LRRC37A2: variants seen among roughly 807,000 people sequenced by gnomAD.
LRRC37A2 encodes the protein leucine rich repeat containing 37 member A2.
LRRC37A2 carries 9 observed loss-of-function variants against 68.8 expected under a neutral mutation model. The ratio of observed to expected loss-of-function variants is 0.13; its 90% CI spans 0.08 to 0.23. The LOEUF is 0.23. Among genes scored for constraint, LRRC37A2 ranks in the 10% least tolerant of loss-of-function variants. The pLI, the probability that LRRC37A2 is intolerant of heterozygous loss-of-function variation, is 1.00. For synonymous variants in LRRC37A2, 63 were observed against 367.6 expected, an observed-to-expected ratio of 0.17 and a Z score of 9.48; for missense variants, 168 against 950.4, an observed-to-expected ratio of 0.18 and a Z score of 10.82.
chr17:46,384,294 A>AG, the LRRC37A2 span, among the ~76,000 whole-genome samples: 27 of 64,334 alleles, frequency 4.2e-4, 6 homozygotes, highest in African/African-American at 1.1e-3. Context: ...AAAAAAAAAA[A>AG]AAAGACACTT....
chr17:46,894,913 G>A, the LRRC37A2 span, among the ~76,000 whole-genome samples: 34 of 152,334 alleles, frequency 2.2e-4, no homozygotes, highest in Middle Eastern at 3.4e-3. Flanking sequence ...CATGCAAGCC[G>A]GAATGCACGG....
At chr17:46,922,595 G>A in the LRRC37A2 span, among the ~76,000 whole-genome samples, 1 of 152,068 alleles carries the variant, frequency 6.6e-6, no homozygotes, top group African/African-American at 2.4e-5. Context: ...CTCTTTGAGG[G>A]CAGGAGGAAC....
At chr17:46,921,419 T>C in the LRRC37A2 span, among the ~76,000 whole-genome samples, 1 of 152,336 alleles carries the variant, frequency 6.6e-6, no homozygotes, top group East Asian at 1.9e-4. Context: ...GACATAGGCA[T>C]GGGCAAGGAC....
chr17:46,405,737 C>CAAA, the LRRC37A2 span, among the ~76,000 whole-genome samples: 47 of 35,058 alleles, frequency 1.3e-3, no homozygotes, highest in East Asian at 2.8e-3. Context: ...GACTCCATCT[C>CAAA]AAAAAAAAAA....
intron 6 of LRRC37A2, among the ~76,000 whole-genome samples, chr17:46,525,639 A>G (rs1303916413): frequency 8.1e-6 from 1 of 122,734 alleles, no homozygotes; most frequent in African/African-American, 2.8e-5. Flanking sequence ...CATCATCATC[A>G]TCATCATCTA....
At chr17:46,939,387 A>G in the LRRC37A2 span, 1 of 998,126 alleles carries the variant, frequency 1.0e-6, no homozygotes, top group Non-Finnish European at 1.2e-6. Context: ...TTTCCACACT[A>G]CAGCTGGGTG....
chr17:46,782,066 G>A, the LRRC37A2 span, among the ~76,000 whole-genome samples: 3 of 152,192 alleles, frequency 2.0e-5, no homozygotes, highest in Admixed American at 1.3e-4. Context: ...TGGACCCAGG[G>A]GCTGCGGCCC....
At chr17:46,881,937 A>C in the LRRC37A2 span, among the ~76,000 whole-genome samples, 1 of 152,160 alleles carries the variant, frequency 6.6e-6, no homozygotes, top group Non-Finnish European at 1.5e-5. Flanking sequence ...CATTGACAAA[A>C]ATTATCTACT....
At chr17:46,768,733 T>A in the LRRC37A2 span, 1 of 1,614,088 alleles carries the variant, frequency 6.2e-7, no homozygotes, top group Admixed American at 1.7e-5. This position sits in a 1 kb window ranked among gnomAD's most constrained non-coding sequence, Gnocchi z 5.0. Flanking sequence ...CACCAGCAGG[T>A]CTTCACCTCA....
the LRRC37A2 span, among the ~76,000 whole-genome samples, chr17:46,860,620 A>G: frequency 2.6e-5 from 4 of 152,328 alleles, no homozygotes; most frequent in African/African-American, 4.8e-5. Context: ...TTCAAATGCT[A>G]TCTCTATATA....
the LRRC37A2 span, among the ~76,000 whole-genome samples, chr17:46,817,027 G>A: frequency 6.6e-6 from 1 of 152,200 alleles, no homozygotes; most frequent in East Asian, 1.9e-4. Context: ...CCCCGGAAAA[G>A]TGTGGGTTGG....
At chr17:46,885,465 G>GC in the LRRC37A2 span, 1 of 155,220 alleles carries the variant, frequency 6.4e-6, no homozygotes, top group African/African-American at 2.4e-5. Flanking sequence ...ACCACGCTCA[G>GC]CTAATTTTTG....
the LRRC37A2 span, among the ~76,000 whole-genome samples, chr17:46,919,160 T>G: frequency 3.3e-5 from 5 of 152,336 alleles, no homozygotes; most frequent in African/African-American, 4.8e-5. Context: ...TGACACACAG[T>G]TATCAGCTCA....
chr17:46,897,101 C>T, the LRRC37A2 span, among the ~76,000 whole-genome samples: 1 of 152,304 alleles, frequency 6.6e-6, no homozygotes, highest in East Asian at 1.9e-4. Context: ...GAATCTGCTG[C>T]GACCGCTCGA....
the LRRC37A2 span, chr17:46,923,128 G>T: frequency 8.8e-7 from 1 of 1,135,016 alleles, no homozygotes; most frequent in Non-Finnish European, 1.3e-6. Flanking sequence ...GAAACCGGAA[G>T]GGGGGCTGTG....
chr17:46,517,214 A>T lies in LRRC37A2; in HGVS notation c.2610-148A>T. 6.2e-6 allele frequency: 5 copies of T among 801,270 alleles called. 2 individuals carry two copies. Among genetic ancestry groups the T allele is most frequent in the Non-Finnish European group, 9.2e-6 (5 of 542,594 alleles). The allele number at this position is 801,270 out of a possible 1,614,324, so 49.6% of individuals were successfully genotyped here. ...CGCATAATTTCTTGATGAATTGTGC[A>T]AACTGGGAAGCTGATAGCTCTGGAA... is the stretch of plus-strand genomic sequence containing the variant. On this transcript the variant is annotated intron_variant, in intron 2 of 14. Transcript: ENST00000576629.
the LRRC37A2 span, among the ~76,000 whole-genome samples, chr17:47,037,614 C>T: frequency 1.3e-5 from 2 of 152,044 alleles, no homozygotes; most frequent in African/African-American, 4.8e-5. Context: ...GTTTGGATAC[C>T]AGGTTAATAT....
At chr17:46,932,302 C>G in the LRRC37A2 span, 1 of 1,379,060 alleles carries the variant, frequency 7.3e-7, no homozygotes, top group Admixed American at 1.7e-5. Context: ...CTGAAGAAGA[C>G]TGATGATGAG....
At chr17:46,817,377 C>T in the LRRC37A2 span, among the ~76,000 whole-genome samples, 6 of 152,222 alleles carry the variant, frequency 3.9e-5, no homozygotes, top group East Asian at 1.9e-4. Context: ...CACCTCCCCC[C>T]GCCCAGGCCA....
Sources: gnomAD v4.1 joint callset for allele counts (sites outside exome capture counted in the v4.1 genomes callset) on GRCh38, gnomAD v4.1.1 for gene constraint, Gnocchi (gnomAD v3.1) non-coding constraint, MANE v1.5 for transcripts, NCBI Gene and HGNC (gene_info 2026-07-23, HGNC 2026-07-21) for gene names.